The following ITGA6 variants were observed in gnomAD, a reference collection of about 807,000 sequenced individuals.
ITGA6 encodes integrin alpha-6.
ITGA6 carries 63 observed loss-of-function variants against 133.6 expected under a neutral mutation model. That is an observed-to-expected ratio of 0.47 (90% confidence interval 0.38 to 0.58). The LOEUF (loss-of-function observed/expected upper bound fraction) is 0.58, where lower values mean the gene tolerates loss of function less well. Ranked by LOEUF, ITGA6 falls within the 20% of genes least tolerant of loss-of-function variation. ITGA6 has a pLI of 0.00. For synonymous variants in ITGA6, 434 were observed against 482.0 expected (o/e 0.90, Z 1.30); for missense variants, 1,068 against 1,309.4 (o/e 0.82, Z 2.85).
At chr2:172,446,930 C>T (rs1207539494) in intron 1 of ITGA6, among the ~76,000 whole-genome samples, 1 of 152,186 alleles carries the variant, frequency 6.6e-6, no homozygotes, top group East Asian at 1.9e-4. Flanking sequence ...CAGAGTCTCA[C>T]TCTGTTGCCC....
chr2:172,501,229 C>T (rs1208138272), intron 24 of ITGA6, among the ~76,000 whole-genome samples: 3 of 152,006 alleles, frequency 2.0e-5, no homozygotes, highest in Admixed American at 6.5e-5. Flanking sequence ...ATGGTGTATT[C>T]GAATTTGTAT....
chr2:172,465,472 C>G (rs1487286705), intron 1 of ITGA6, 67 bp from the exon 2 acceptor site: 1 of 1,570,800 alleles, frequency 6.4e-7, no homozygotes, highest in Non-Finnish European at 8.7e-7. Context: ...TCTCCTAGTT[C>G]TGACTGATTT....
intron 1 of ITGA6, among the ~76,000 whole-genome samples, chr2:172,443,125 A>G (rs1291752932): frequency 6.6e-6 from 1 of 152,214 alleles, no homozygotes; most frequent in Non-Finnish European, 1.5e-5. Flanking sequence ...TGAATCTTTC[A>G]GAGCTACCTA....
Position 172,504,566 on chromosome 2 carries a change from AC to A in ITGA6, c.*499del, listed in dbSNP as rs1488743746. On this transcript the variant is annotated 3_prime_UTR_variant, in exon 26 of 26. Transcript: ENST00000684293. ...GGGCCTGCCCAGTTGCACTCAGGTG[AC>A]ATCCTCCAGATAGTGTAGCTGAGGA... 3 of 237,646 alleles carry A rather than the reference AC, an allele frequency of 1.3e-5. No individual in the cohort carries two copies. Among genetic ancestry groups the A allele is most frequent in the African/African-American group, 6.9e-5 (3 of 43,716 alleles). 14.7% of individuals were successfully genotyped at this position (237,646 alleles called of 1,614,324 possible). A position where few individuals can be genotyped will look rare whatever the true frequency, so the allele number is the denominator to read the frequency against.
In ITGA6 at chr2:172,506,062, CTCAAG is replaced by C. The variant is rs1447214018; in HGVS notation, c.*2003_*2007del. The C allele has an allele frequency of 9.8e-5, 15 of 152,564 alleles. No homozygotes were observed. The highest frequency in any genetic ancestry group is 2.2e-4 in the African/African-American group (9 of 41,424). The allele number at this position is 152,564 out of a possible 1,614,324, so 9.5% of individuals were successfully genotyped here. ...GATTTATGGTTGTTAAAAATGTCAT[CTCAAG>C]TCAAGTCACTGGTCTGTTTGCATTT... On this transcript the variant is annotated 3_prime_UTR_variant, in exon 26 of 26. Transcript: ENST00000684293.
intron 2 of ITGA6, among the ~76,000 whole-genome samples, chr2:172,466,986 A>G (rs1037910052): frequency 1.3e-5 from 2 of 152,210 alleles, no homozygotes; most frequent in African/African-American, 4.8e-5. Context: ...CAAGATCCTA[A>G]AGTAAATCTG....
chr2:172,452,558 A>C (rs1265647128), intron 1 of ITGA6, among the ~76,000 whole-genome samples: 2 of 152,218 alleles, frequency 1.3e-5, no homozygotes, highest in African/African-American at 4.8e-5. Context: ...TGACCCCATC[A>C]ATAGGAATAG....
intron 9 of ITGA6, 96 bp downstream of exon 9, chr2:172,476,609 C>T (rs909345247): frequency 6.3e-6 from 5 of 787,484 alleles, no homozygotes; most frequent in Non-Finnish European, 1.2e-5. Context: ...ACCTATACTT[C>T]AAAGGTTTAT....
chr2:172,489,565 G>A lies in ITGA6; in HGVS notation c.2586G>A (p.Gly862=), dbSNP rs1301819697. Residue 862 remains glycine (G), a synonymous_variant, in exon 20 of 26, where the codon GGG becomes GGA. Transcript: ENST00000684293. ...AGTGGCCAAAAGAAATTAGCAATGGGAAATGGTTGCTTTATTTGGTGAAAG... is the reference window on the plus strand; with the variant it reads ...AGTGGCCAAAAGAAATTAGCAATGGAAAATGGTTGCTTTATTTGGTGAAAG... ...NIQWPKEISN[G]KWLLYLVKVE... 1.9e-6 allele frequency: 3 copies of A among 1,613,930 alleles called. No individual in the cohort carries two copies. Among genetic ancestry groups the A allele is most frequent in the Non-Finnish European group, 2.5e-6 (3 of 1,179,914 alleles).
intron 1 of ITGA6, chr2:172,465,132 A>T: frequency 3.9e-6 from 1 of 254,406 alleles, no homozygotes; most frequent in South Asian, 4.0e-5. Flanking sequence ...TGCTTATTAC[A>T]TTTAGTGTGG....
chr2:172,504,412 G>C lies in ITGA6; in HGVS notation c.*344G>C, dbSNP rs1687476436. 1 of 500,256 alleles carries C rather than the reference G, an allele frequency of 2.0e-6. No homozygotes were observed. Among genetic ancestry groups the C allele is most frequent in the African/African-American group, 2.0e-5 (1 of 50,514 alleles). 31.0% of individuals were successfully genotyped at this position (500,256 alleles called of 1,614,324 possible). On this transcript the variant is annotated 3_prime_UTR_variant, in exon 26 of 26. Coordinates refer to ENST00000684293, the MANE Select transcript of ITGA6 (RefSeq NM_000210.4). ...TTTTAACTGTGGATATTGTTACGTA[G>C]CCTAAGGCTCCTGTTTTGCACAGCC...
chr2:172,480,507 C>T (rs1686392523), intron 11 of ITGA6, among the ~76,000 whole-genome samples: 1 of 152,136 alleles, frequency 6.6e-6, no homozygotes, highest in South Asian at 2.1e-4. Flanking sequence ...CACGCCCCTC[C>T]CTCCCGGAAC....
intron 13 of ITGA6, among the ~76,000 whole-genome samples, chr2:172,486,100 C>T (rs553464462): frequency 8.8e-4 from 124 of 141,100 alleles, no homozygotes; most frequent in Middle Eastern, 3.5e-3. Context: ...GCCTTAAACC[C>T]GGCAGGTGGA....
intron 23 of ITGA6, among the ~76,000 whole-genome samples, chr2:172,494,742 A>G (rs1286219902): frequency 6.6e-6 from 1 of 152,236 alleles, no homozygotes; most frequent in Non-Finnish European, 1.5e-5. Context: ...GTCATGCTGT[A>G]GGAGACAGAA....
chr2:172,472,174 A>G (rs934497019), intron 5 of ITGA6, among the ~76,000 whole-genome samples: 2 of 152,252 alleles, frequency 1.3e-5, no homozygotes, highest in African/African-American at 4.8e-5. Context: ...ATACAAAAAT[A>G]TTAGCCAGGC....
chr2:172,445,756 G>A (rs377316136), intron 1 of ITGA6, among the ~76,000 whole-genome samples: 307 of 152,052 alleles, frequency 2.0e-3, no homozygotes, highest in South Asian at 0.011. Flanking sequence ...TAGCTGGTCT[G>A]AGGTGTTGGG....
chr2:172,447,056 C>A (rs1473333283), intron 1 of ITGA6, among the ~76,000 whole-genome samples: 1 of 152,010 alleles, frequency 6.6e-6, no homozygotes, highest in African/African-American at 2.4e-5. Flanking sequence ...CACCACCGTG[C>A]CCGGCTAATT....
rs200919733 is a variant in ITGA6, at chr2:172,465,614, C to T, written c.258C>T (p.Cys86=). Residue 86 remains cysteine, a synonymous_variant, in exon 2 of 26, where the codon TGC becomes TGT. Transcript: ENST00000684293. ...RANRTGGLYS[C]DITARGPCTR... ...ACAGAACGGGAGGGCTGTACAGCTGCGACATCACCGCCCGGGGGCCATGCA... is the reference window on the plus strand; with the variant it reads ...ACAGAACGGGAGGGCTGTACAGCTGTGACATCACCGCCCGGGGGCCATGCA... The T allele has an allele frequency of 1.4e-4, 229 of 1,614,096 alleles. No homozygotes were observed. The highest frequency in any genetic ancestry group is 8.2e-4 in the Middle Eastern group (5 of 6,084).
At chr2:172,500,719 A>G (rs1687313790) in intron 24 of ITGA6, among the ~76,000 whole-genome samples, 1 of 152,184 alleles carries the variant, frequency 6.6e-6, no homozygotes, top group Non-Finnish European at 1.5e-5. Flanking sequence ...TTACTAGCAC[A>G]TATTATTGAA....
Sources: gnomAD v4.1 joint callset for allele counts (sites outside exome capture counted in the v4.1 genomes callset) on GRCh38, gnomAD v4.1.1 for gene constraint, MANE v1.5 for transcripts, NCBI Gene and HGNC (gene_info 2026-07-23, HGNC 2026-07-21) for gene names.